The following SLC4A10 variants were observed in gnomAD, a reference collection of about 807,000 sequenced individuals.
SLC4A10 encodes the protein sodium-driven chloride bicarbonate exchanger.
A neutral mutation model predicts 137.7 loss-of-function variants in SLC4A10; 42 were observed. The observed-to-expected ratio is 0.30, with a 90% confidence interval of 0.24 to 0.39. The LOEUF (loss-of-function observed/expected upper bound fraction) is 0.39, where lower values mean the gene tolerates loss of function less well. Among genes scored for constraint, SLC4A10 ranks in the 10% least tolerant of loss-of-function variants. The probability of loss-of-function intolerance (pLI) is 1.00; values close to 1 mark genes in which losing one functional copy is unlikely to be tolerated. For synonymous variants in SLC4A10, 474 were observed against 464.1 expected, an observed-to-expected ratio of 1.02 and a Z score of -0.27; for missense variants, 925 against 1,355.0, an observed-to-expected ratio of 0.68 and a Z score of 4.98.
chr2:161,763,594 A>G lies in SLC4A10; in HGVS notation c.49-7379A>G, dbSNP rs1417563845. Among the ~76,000 whole-genome samples, 3 of 152,132 alleles carry G rather than the reference A, an allele frequency of 2.0e-5. 1 individual carries two copies. Among genetic ancestry groups the G allele is most frequent in the Non-Finnish European group, 4.4e-5 (3 of 67,992 alleles). On this transcript the variant is annotated intron_variant, in intron 1 of 26. Transcript: ENST00000446997. ...GTTAATAAAAATTGGCAAGAGCTAT[A>G]GCTATAAAGGAGTCATAGGACAAGA...
At chr2:161,873,777 C>T (rs891420201) in intron 7 of SLC4A10, 139 bp from the exon 8 acceptor site, 4 of 780,748 alleles carry the variant, frequency 5.1e-6, no homozygotes, top group Non-Finnish European at 8.1e-6. Context: ...GTGATCAGCT[C>T]CTTGGACCTG....
At chr2:161,859,875 C>T (rs1315027150) in intron 5 of SLC4A10, among the ~76,000 whole-genome samples, 1 of 152,152 alleles carries the variant, frequency 6.6e-6, no homozygotes, top group African/African-American at 2.4e-5. Context: ...GCTGGGATTA[C>T]AGGCGTGAGC....
At chr2:161,965,520 G>GT (rs1011731684) in intron 23 of SLC4A10, among the ~76,000 whole-genome samples, 2 of 152,146 alleles carry the variant, frequency 1.3e-5, no homozygotes, top group Non-Finnish European at 2.9e-5. Flanking sequence ...TGCAGTGATT[G>GT]TTTTTTTGTT....
chr2:161,852,110 T>C (rs1206265535), intron 4 of SLC4A10, among the ~76,000 whole-genome samples: 2 of 152,156 alleles, frequency 1.3e-5, no homozygotes. Context: ...CGCCTCACTG[T>C]TACAACATTT....
chr2:161,899,883 T>C (rs1682656243), intron 11 of SLC4A10, among the ~76,000 whole-genome samples: 1 of 152,168 alleles, frequency 6.6e-6, no homozygotes, highest in African/African-American at 2.4e-5. Context: ...TGTTAAAATA[T>C]TAAGCAATAA....
intron 1 of SLC4A10, among the ~76,000 whole-genome samples, chr2:161,736,372 T>C (rs1473557053): frequency 2.6e-5 from 4 of 152,178 alleles, no homozygotes; most frequent in East Asian, 1.9e-4. Context: ...AAAAAGCTCA[T>C]TAAACAAATG....
chr2:161,786,727 G>T (rs2053667556), intron 2 of SLC4A10, among the ~76,000 whole-genome samples: 2 of 150,496 alleles, frequency 1.3e-5, no homozygotes, highest in South Asian at 4.2e-4. Flanking sequence ...TTGCTTTTTA[G>T]GATCTTTGAG....
intron 6 of SLC4A10, among the ~76,000 whole-genome samples, chr2:161,866,657 A>T (rs1436802519): frequency 6.6e-6 from 1 of 151,934 alleles, no homozygotes; most frequent in African/African-American, 2.4e-5. Context: ...TATGGGTGGT[A>T]AAGCACTCAA....
At position 161,942,777 on chromosome 2, in the gene SLC4A10, A is replaced by AT; in HGVS notation, c.1998-11dup. The AT allele has an allele frequency of 6.3e-7, 1 of 1,579,934 alleles. No individual in the cohort carries two copies. The highest frequency in any genetic ancestry group is 1.2e-5 in the South Asian group (1 of 86,358). On this transcript the variant is annotated splice_polypyrimidine_tract_variant and intron_variant, in intron 15 of 26. Coordinates refer to ENST00000446997, the MANE Select transcript of SLC4A10 (RefSeq NM_001178015.2). The stretch of plus-strand genomic sequence containing the variant: ...AGCTACTTATTTCACAAAAGACACT[A>AT]TTTTGCCTTTTCAGGTGTAACTGTG...
chr2:161,698,890 C>T (rs2042839167), intron 1 of SLC4A10, among the ~76,000 whole-genome samples: 1 of 152,128 alleles, frequency 6.6e-6, no homozygotes, highest in Admixed American at 6.5e-5. Context: ...ATGGTAGCAG[C>T]TCCTCCTTGT....
At chr2:161,855,375 C>T (rs1339924269) in intron 5 of SLC4A10, among the ~76,000 whole-genome samples, 1 of 152,062 alleles carries the variant, frequency 6.6e-6, no homozygotes, top group Non-Finnish European at 1.5e-5. Context: ...GATTCCCATT[C>T]ACCATTTATT....
At chr2:161,735,279 A>G (rs948644026) in intron 1 of SLC4A10, among the ~76,000 whole-genome samples, 1 of 151,294 alleles carries the variant, frequency 6.6e-6, no homozygotes, top group South Asian at 2.1e-4. Context: ...CCATCTTATA[A>G]GTTTTTAGAA....
chr2:161,900,426 C>T (rs1407716817), intron 11 of SLC4A10, among the ~76,000 whole-genome samples: 1 of 152,066 alleles, frequency 6.6e-6, no homozygotes, highest in Admixed American at 6.6e-5. Flanking sequence ...ACGCATATAA[C>T]ACCACCATAC....
intron 18 of SLC4A10, among the ~76,000 whole-genome samples, chr2:161,950,033 A>G (rs1170626418): frequency 6.6e-6 from 1 of 151,910 alleles, no homozygotes; most frequent in African/African-American, 2.4e-5. Flanking sequence ...TCTTGTCAGG[A>G]TGAAATTTTG....
chr2:161,913,687 G>T (rs888175803), intron 15 of SLC4A10, among the ~76,000 whole-genome samples: 3 of 151,970 alleles, frequency 2.0e-5, no homozygotes, highest in African/African-American at 7.2e-5. Flanking sequence ...GTAACCAAAT[G>T]AATTATAGTG....
chr2:161,637,360 A>G (rs2034612583), intron 1 of SLC4A10, among the ~76,000 whole-genome samples: 1 of 151,490 alleles, frequency 6.6e-6, no homozygotes, highest in Non-Finnish European at 1.5e-5. Flanking sequence ...CACCACTCCC[A>G]GTAATTTTTT....
chr2:161,725,785 C>T (rs563831584), intron 1 of SLC4A10, among the ~76,000 whole-genome samples: 63 of 152,294 alleles, frequency 4.1e-4, no homozygotes, highest in Admixed American at 2.8e-3. Flanking sequence ...TTGCCAAAGC[C>T]GTGCCATCTG....
intron 3 of SLC4A10, among the ~76,000 whole-genome samples, chr2:161,806,510 C>T (rs1275748513): frequency 2.0e-5 from 3 of 152,150 alleles, no homozygotes; most frequent in Admixed American, 6.6e-5. Context: ...TTCTTGAATG[C>T]TTTGCTGCTT....
chr2:161,926,386 GTTTT>G (rs1174458600), intron 15 of SLC4A10, among the ~76,000 whole-genome samples: 8 of 22,926 alleles, frequency 3.5e-4, no homozygotes, highest in Non-Finnish European at 4.5e-4. Context: ...CCTTTTTTTG[GTTTT>G]TTTTTTTTTT....
Sources: allele counts gnomAD v4.1 joint callset (sites outside exome capture counted in the v4.1 genomes callset), GRCh38; gene constraint gnomAD v4.1.1; transcripts MANE v1.5; gene names NCBI Gene and HGNC (gene_info 2026-07-23, HGNC 2026-07-21).